The following BTLA variants were observed in gnomAD, a reference collection of about 807,000 sequenced individuals.
BTLA encodes B- and T-lymphocyte attenuator.
BTLA carries 11 observed loss-of-function variants against 25.0 expected under a neutral mutation model. The observed-to-expected ratio is 0.44, with a 90% CI of 0.28 to 0.73. BTLA has a LOEUF of 0.73. Among genes scored for constraint, BTLA ranks in the 30% least tolerant of loss-of-function variants. BTLA has a pLI of 0.15. For synonymous variants in BTLA, 104 were observed against 119.8 expected (o/e 0.87, Z 0.86); for missense variants, 282 against 332.8 (o/e 0.85, Z 1.19).
At chr3:112,491,790 G>GA (rs369893739) in intron 1 of BTLA, among the ~76,000 whole-genome samples, 4 of 152,176 alleles carry the variant, frequency 2.6e-5, no homozygotes, top group African/African-American at 9.6e-5. Context: ...AGACAAGATG[G>GA]AAACACAGAA....
intron 1 of BTLA, among the ~76,000 whole-genome samples, chr3:112,486,094 G>A (rs979830718): frequency 6.6e-6 from 1 of 152,222 alleles, no homozygotes; most frequent in Non-Finnish European, 1.5e-5. Context: ...TCCAGCCTGG[G>A]TGACAGAGCG....
At chr3:112,482,750 A>G (rs924615941) in intron 1 of BTLA, among the ~76,000 whole-genome samples, 2 of 152,218 alleles carry the variant, frequency 1.3e-5, no homozygotes, top group Non-Finnish European at 2.9e-5. Context: ...AAAAGTTTAG[A>G]ACTAAAATGA....
intron 3 of BTLA, 100 bp from the exon 4 acceptor site, chr3:112,469,904 T>C: frequency 1.1e-6 from 1 of 944,956 alleles, no homozygotes; most frequent in Non-Finnish European, 1.6e-6. Flanking sequence ...CCAGGGATAG[T>C]GTTGTTAGTT....
At chr3:112,468,871 C>T (rs2082244640) in intron 4 of BTLA, among the ~76,000 whole-genome samples, 1 of 152,126 alleles carries the variant, frequency 6.6e-6, no homozygotes, top group Non-Finnish European at 1.5e-5. Context: ...AATTAAGCAG[C>T]TTGGTGGGGA....
At chr3:112,474,270 G>A (rs1422963708) in intron 2 of BTLA, among the ~76,000 whole-genome samples, 1 of 152,000 alleles carries the variant, frequency 6.6e-6, no homozygotes, top group Non-Finnish European at 1.5e-5. Context: ...TGAAAAGCAT[G>A]GTCCTTAAAC....
intron 1 of BTLA, among the ~76,000 whole-genome samples, chr3:112,497,654 T>C (rs1439825424): frequency 6.6e-6 from 1 of 152,070 alleles, no homozygotes; most frequent in African/African-American, 2.4e-5. Flanking sequence ...AAGCACCTAG[T>C]TGACTTAATA....
intron 1 of BTLA, among the ~76,000 whole-genome samples, chr3:112,497,179 G>T (rs1009765624): frequency 8.5e-5 from 13 of 152,050 alleles, no homozygotes; most frequent in Admixed American, 3.9e-4. Flanking sequence ...TTACATAGAG[G>T]TTGCATGGTG....
At position 112,465,550 on chromosome 3, in the gene BTLA, C is replaced by T. The variant is rs919395567; in HGVS notation, c.*558G>A. 3 of 152,504 alleles carry T rather than the reference C, an allele frequency of 2.0e-5. No individual in the cohort carries two copies. Among genetic ancestry groups the T allele is most frequent in the African/African-American group, 4.8e-5 (2 of 41,410 alleles). 9.4% of individuals were successfully genotyped at this position (152,504 alleles called of 1,614,324 possible). A position where few individuals can be genotyped will look rare whatever the true frequency, so the allele number is the denominator to read the frequency against. ...TGGTATATTCTATATTTTTATTGCA[C>T]CATTTATTATTTTCATTTTCTTACA... On this transcript the variant is annotated 3_prime_UTR_variant, in exon 5 of 5. Coordinates refer to ENST00000334529, the MANE Select transcript of BTLA (RefSeq NM_181780.4).
At chr3:112,468,888 A>T (rs1294658498) in intron 4 of BTLA, among the ~76,000 whole-genome samples, 1 of 152,158 alleles carries the variant, frequency 6.6e-6, no homozygotes, top group African/African-American at 2.4e-5. Flanking sequence ...GGGAATGTTG[A>T]ATGCCATTTA....
chr3:112,479,087 G>GAA (rs554169038), intron 2 of BTLA, among the ~76,000 whole-genome samples: 1 of 142,998 alleles, frequency 7.0e-6, no homozygotes, highest in Non-Finnish European at 1.5e-5. Flanking sequence ...GGGAAAAAGA[G>GAA]AAAAAAAAAA....
intron 1 of BTLA, among the ~76,000 whole-genome samples, chr3:112,486,311 T>A (rs2082347651): frequency 6.6e-6 from 1 of 152,176 alleles, no homozygotes; most frequent in Non-Finnish European, 1.5e-5. Flanking sequence ...CTAGAGTACA[T>A]CATTTGAGCA....
chr3:112,466,343 G>T lies in BTLA; in HGVS notation c.635C>A (p.Thr212Asn). Residue 212 changes from threonine to asparagine, a missense_variant, in exon 5 of 5, where the codon ACC (threonine) becomes AAC (asparagine). By Grantham distance (65) the Thr-to-Asn change is moderately conservative. Transcript: ENST00000334529. Reference sequence around the variant, plus strand: ...TAGCAGTACTTGGGAATTTTGCCTGGTGCTTGCTTCTGTTTGCTCACTCTT... The same window carrying T: ...TAGCAGTACTTGGGAATTTTGCCTGTTGCTTGCTTCTGTTTGCTCACTCTT... ...HLKSEQTEAS[T>N]RQNSQVLLSE... is the part of the protein sequence containing the mutation. The T allele has an allele frequency of 6.2e-7, 1 of 1,612,788 alleles. No individual in the cohort carries two copies. Among genetic ancestry groups the T allele is most frequent in the Non-Finnish European group, 8.5e-7 (1 of 1,179,388 alleles).
Position 112,471,204 on chromosome 3 carries a change from G to T in BTLA, c.547+8C>A. ...TGGTACTGGGGGCAGAGGGAAAATA[G>T]AACCCACCTTGGTGCCTTCTCAGGC... On this transcript the variant is annotated splice_region_variant and intron_variant, in intron 3 of 4. Coordinates refer to ENST00000334529, the MANE Select transcript of BTLA (RefSeq NM_181780.4). 6.2e-7 allele frequency: 1 copy of T among 1,613,532 alleles called. No homozygotes were observed. The highest frequency in any genetic ancestry group is 8.5e-7 in the Non-Finnish European group (1 of 1,179,676).
chr3:112,473,474 G>A (rs371597161), intron 2 of BTLA, among the ~76,000 whole-genome samples: 33 of 152,228 alleles, frequency 2.2e-4, no homozygotes, highest in African/African-American at 7.9e-4. Flanking sequence ...TCTGGCACCT[G>A]GAATAAGAAG....
chr3:112,491,575 G>A (rs1427270934), intron 1 of BTLA, among the ~76,000 whole-genome samples: 1 of 152,158 alleles, frequency 6.6e-6, no homozygotes, highest in Non-Finnish European at 1.5e-5. Flanking sequence ...ACCCAGGTGT[G>A]GCTAACTCCA....
At chr3:112,480,960 A>G (rs2082314931) in intron 1 of BTLA, among the ~76,000 whole-genome samples, 1 of 152,246 alleles carries the variant, frequency 6.6e-6, no homozygotes, top group Admixed American at 6.5e-5. Context: ...TTCATTATGA[A>G]GCAAATTCCC....
At chr3:112,499,158 A>G in intron 1 of BTLA, 113 bp downstream of exon 1, 1 of 728,574 alleles carries the variant, frequency 1.4e-6, no homozygotes, top group Non-Finnish European at 2.3e-6. Flanking sequence ...GGTTTCATCT[A>G]CGATTACCCA....
At chr3:112,490,604 A>AACACACACACACACAC (rs55894234) in intron 1 of BTLA, among the ~76,000 whole-genome samples, 3 of 142,342 alleles carry the variant, frequency 2.1e-5, no homozygotes, top group African/African-American at 7.7e-5. Context: ...TCCCTGGGTA[A>AACACACACACACACAC]ACACACACAC....
Position 112,479,094 on chromosome 3 carries a change from A to G in BTLA, c.403+361T>C, listed in dbSNP as rs979408882. ...AGAAAAATGGGAAAAAGAGAAAAAA[A>G]AAACAACAAAGAAGGACAAGCAATC... is the stretch of plus-strand genomic sequence containing the variant. On this transcript the variant is annotated intron_variant, in intron 2 of 4. Coordinates refer to ENST00000334529, the MANE Select transcript of BTLA (RefSeq NM_181780.4). Among the ~76,000 whole-genome samples, 7 of 152,284 alleles carry G rather than the reference A, an allele frequency of 4.6e-5. No homozygotes were observed. In the South Asian group the frequency reaches 1.4e-3, roughly 32 times the overall value.
Sources: gnomAD v4.1 joint callset for allele counts (sites outside exome capture counted in the v4.1 genomes callset) on GRCh38, gnomAD v4.1.1 for gene constraint, MANE v1.5 for transcripts, NCBI Gene and HGNC (gene_info 2026-07-23, HGNC 2026-07-21) for gene names.